Variants in STPG2 observed in about 807,000 individuals in gnomAD.
The protein encoded by STPG2 is sperm-tail PG-rich repeat-containing protein 2.
In STPG2, 56 loss-of-function variants were observed where a neutral mutation model predicts 54.2. That is an observed-to-expected ratio of 1.03 (90% CI 0.83 to 1.29). STPG2 has a LOEUF of 1.29. STPG2 is among the 50% of genes most tolerant of loss of function. The probability of loss-of-function intolerance (pLI) is 0.00; values close to 1 mark genes in which losing one functional copy is unlikely to be tolerated. For synonymous variants in STPG2, 200 were observed against 181.8 expected (o/e 1.10, Z -0.81); for missense variants, 596 against 544.9 (o/e 1.09, Z -0.93).
At chr4:97,520,081 C>T (rs920306168) in intron 4 of STPG2, among the ~76,000 whole-genome samples, 5 of 151,878 alleles carry the variant, frequency 3.3e-5, no homozygotes, top group Non-Finnish European at 5.9e-5. Context: ...GGGGGAAAAA[C>T]CATAAGAAGA....
chr4:97,632,019 A>AAAGTATATCACATAGATTTAGTCTATAT (rs1324817945), intron 10 of STPG2, among the ~76,000 whole-genome samples: 8 of 152,096 alleles, frequency 5.3e-5, no homozygotes, highest in Non-Finnish European at 1.0e-4. Flanking sequence ...ATACATTAAT[A>AAAGTATATCACATAGATTTAGTCTATAT]AAGTATATCA....
At chr4:97,796,746 T>C (rs1727197694) in intron 9 of STPG2, among the ~76,000 whole-genome samples, 1 of 152,184 alleles carries the variant, frequency 6.6e-6, no homozygotes, top group Non-Finnish European at 1.5e-5. Context: ...AGAAAGTCAT[T>C]GGTAGCTTGA....
chr4:97,647,755 T>C (rs1475817239), intron 10 of STPG2, among the ~76,000 whole-genome samples: 1 of 152,132 alleles, frequency 6.6e-6, no homozygotes, highest in African/African-American at 2.4e-5. Flanking sequence ...GCACTGTCTG[T>C]AGGAATACCA....
intron 10 of STPG2, among the ~76,000 whole-genome samples, chr4:97,611,053 T>C (rs1733718394): frequency 1.3e-5 from 2 of 152,064 alleles, no homozygotes; most frequent in African/African-American, 4.8e-5. Flanking sequence ...TCAGATAAAA[T>C]GTAAACATTT....
At chr4:97,792,155 A>G (rs1433587891) in intron 9 of STPG2, among the ~76,000 whole-genome samples, 1 of 152,214 alleles carries the variant, frequency 6.6e-6, no homozygotes, top group Non-Finnish European at 1.5e-5. Context: ...CAGCAAAACC[A>G]TATTGCAAGT....
At chr4:97,641,543 T>C (rs1721765796) in intron 10 of STPG2, among the ~76,000 whole-genome samples, 1 of 151,444 alleles carries the variant, frequency 6.6e-6, no homozygotes, top group Non-Finnish European at 1.5e-5. Flanking sequence ...ATCAAAGATA[T>C]AGAATATAAT....
At chr4:97,934,456 C>T (rs944839795) in intron 8 of STPG2, among the ~76,000 whole-genome samples, 1 of 152,178 alleles carries the variant, frequency 6.6e-6, no homozygotes, top group African/African-American at 2.4e-5. Context: ...AAGGAGAATG[C>T]TTCCAGCTTT....
intron 4 of STPG2, among the ~76,000 whole-genome samples, chr4:97,507,463 T>C (rs1730877680): frequency 6.6e-6 from 1 of 152,086 alleles, no homozygotes; most frequent in South Asian, 2.1e-4. Flanking sequence ...ACTACTCCAC[T>C]TCAGTTGTTT....
chr4:97,590,316 C>T (rs925005302), intron 10 of STPG2, among the ~76,000 whole-genome samples: 9 of 151,794 alleles, frequency 5.9e-5, no homozygotes, highest in Non-Finnish European at 7.4e-5. Context: ...TAAAGACTTA[C>T]GAACAGAAGC....
At chr4:97,463,650 A>C (rs1044907855) in intron 4 of STPG2, 2 of 152,178 alleles carry the variant, frequency 1.3e-5, no homozygotes, top group African/African-American at 4.8e-5. Flanking sequence ...GAGTTTCACC[A>C]TGTTGGCCAA....
chr4:97,447,037 G>C (rs1268539033), intron 4 of STPG2, among the ~76,000 whole-genome samples: 1 of 152,228 alleles, frequency 6.6e-6, no homozygotes, highest in Non-Finnish European at 1.5e-5. Flanking sequence ...CTAGAGACTT[G>C]TTAAATGGTT....
rs770989775 is a variant in STPG2, at chr4:98,134,429, G to A, written c.140C>T (p.Ala47Val). Residue 47 changes from alanine to valine, a missense_variant, in exon 2 of 11, where the codon GCC (alanine) becomes GTC (valine). Transcript: ENST00000295268. ...GSNAPFLSLTARESTFTIASS... is the reference protein window; with the variant it reads ...GSNAPFLSLTVRESTFTIASS... ...GGCAATGGTAAAAGTACTTTCTCTG[G>A]CAGTCAAAGAAAGAAATGGTGCATT... The A allele has an allele frequency of 6.3e-7, 1 of 1,586,574 alleles. No individual in the cohort carries two copies.
intron 5 of STPG2, among the ~76,000 whole-genome samples, chr4:98,034,959 A>C (rs1736723792): frequency 6.6e-6 from 1 of 152,238 alleles, no homozygotes; most frequent in African/African-American, 2.4e-5. Context: ...AAGATGGATT[A>C]AAGTCTTAAA....
chr4:97,953,074 T>C (rs1487473481), intron 7 of STPG2, among the ~76,000 whole-genome samples: 3 of 152,142 alleles, frequency 2.0e-5, no homozygotes, highest in Non-Finnish European at 4.4e-5. Flanking sequence ...TCCTTTGTGT[T>C]AAGCTATTAG....
intron 9 of STPG2, among the ~76,000 whole-genome samples, chr4:97,829,642 AT>A (rs1158685991): frequency 1.3e-5 from 2 of 152,176 alleles, no homozygotes; most frequent in Admixed American, 6.5e-5. Context: ...GGTGAGACGA[AT>A]TGTTAAATAG....
chr4:97,559,745 T>TTTCA (rs1413424425), intron 10 of STPG2, among the ~76,000 whole-genome samples: 9 of 152,284 alleles, frequency 5.9e-5, no homozygotes, highest in Non-Finnish European at 1.2e-4. Context: ...ACCAATTCAG[T>TTTCA]TTCAGCTCCT....
At chr4:97,812,477 A>G (rs1440476287) in intron 9 of STPG2, among the ~76,000 whole-genome samples, 2 of 152,166 alleles carry the variant, frequency 1.3e-5, no homozygotes. Context: ...AATTCAGTAT[A>G]TCTAAGAGGC....
At chr4:97,862,007 G>C (rs1370686298) in intron 8 of STPG2, among the ~76,000 whole-genome samples, 4 of 152,078 alleles carry the variant, frequency 2.6e-5, no homozygotes, top group Non-Finnish European at 5.9e-5. Context: ...GGAAGAAACT[G>C]CATCAACTAA....
chr4:97,549,979 A>G (rs1323320958), intron 4 of STPG2, among the ~76,000 whole-genome samples: 2 of 152,194 alleles, frequency 1.3e-5, no homozygotes, highest in Non-Finnish European at 2.9e-5. Flanking sequence ...TCTAAGCTAT[A>G]TGAGCTTCAA....
Sources: allele counts gnomAD v4.1 joint callset (sites outside exome capture counted in the v4.1 genomes callset), GRCh38; gene constraint gnomAD v4.1.1; transcripts MANE v1.5; gene names NCBI Gene and HGNC (gene_info 2026-07-23, HGNC 2026-07-21).